The following HS6ST3 variants were observed in gnomAD, a reference collection of about 807,000 sequenced individuals.
HS6ST3 encodes the protein heparan-sulfate 6-O-sulfotransferase 3.
In HS6ST3, 12 loss-of-function variants were observed where a neutral mutation model predicts 36.7. The ratio of observed to expected loss-of-function variants is 0.33; its 90% CI spans 0.21 to 0.53. HS6ST3 has a LOEUF of 0.53. HS6ST3 is among the 20% of genes least tolerant of loss of function. The pLI, the probability that HS6ST3 is intolerant of heterozygous loss-of-function variation, is 0.95. For synonymous variants in HS6ST3, 240 were observed against 257.5 expected, an observed-to-expected ratio of 0.93 and a Z score of 0.65; for missense variants, 584 against 640.9, an observed-to-expected ratio of 0.91 and a Z score of 0.96.
chr13:96,266,711 A>G (rs2054694121), intron 1 of HS6ST3, among the ~76,000 whole-genome samples: 1 of 152,158 alleles, frequency 6.6e-6, no homozygotes, highest in Admixed American at 6.5e-5. Context: ...TTAAAAAAAT[A>G]CACTATAGCT....
intron 1 of HS6ST3, among the ~76,000 whole-genome samples, chr13:96,469,220 G>C (rs1205368110): frequency 6.6e-6 from 1 of 151,912 alleles, no homozygotes; most frequent in Non-Finnish European, 1.5e-5. Flanking sequence ...GGTCTTGCCG[G>C]TGCACCTTAA....
chr13:96,429,081 T>A (rs1177717849), intron 1 of HS6ST3, among the ~76,000 whole-genome samples: 1 of 152,206 alleles, frequency 6.6e-6, no homozygotes, highest in South Asian at 2.1e-4. Flanking sequence ...TGAAAAGGGC[T>A]TATTCAGCCA....
chr13:96,539,012 C>T (rs1032291477), intron 1 of HS6ST3, among the ~76,000 whole-genome samples: 7 of 152,056 alleles, frequency 4.6e-5, no homozygotes, highest in Non-Finnish European at 1.0e-4. Context: ...CCAATATCTG[C>T]TTGGGCTGTG....
At chr13:96,188,867 G>T (rs2139344347) in intron 1 of HS6ST3, among the ~76,000 whole-genome samples, 1 of 152,222 alleles carries the variant, frequency 6.6e-6, no homozygotes, top group South Asian at 2.1e-4. Flanking sequence ...TAGGTTAATT[G>T]TATGCTGGTA....
intron 1 of HS6ST3, among the ~76,000 whole-genome samples, chr13:96,582,492 A>T (rs2056345557): frequency 6.6e-6 from 1 of 152,216 alleles, no homozygotes. Flanking sequence ...TTCCAGGATG[A>T]TGGGGACAGA....
chr13:96,472,926 A>G (rs1442724461), intron 1 of HS6ST3, among the ~76,000 whole-genome samples: 1 of 152,210 alleles, frequency 6.6e-6, no homozygotes, highest in African/African-American at 2.4e-5. Context: ...TCTTATTTCT[A>G]TAGTTATGAG....
chr13:96,188,080 C>G lies in HS6ST3; in HGVS notation c.707+96511C>G, dbSNP rs536074269. Among the ~76,000 whole-genome samples the G allele has an allele frequency of 7.9e-5, 12 of 152,214 alleles. No individual in the cohort carries two copies. In the South Asian group the frequency reaches 2.5e-3, roughly 32 times the overall value. ...TATTTTCTGGTGTGTTCCTCTTCCC[C>G]CTATAGCACCAGGTCATGGGAGTGT... On this transcript the variant is annotated intron_variant, in intron 1 of 1. Coordinates refer to ENST00000376705, the MANE Select transcript of HS6ST3 (RefSeq NM_153456.4).
intron 1 of HS6ST3, among the ~76,000 whole-genome samples, chr13:96,152,442 A>G (rs1313245042): frequency 4.0e-5 from 6 of 149,672 alleles, no homozygotes; most frequent in Non-Finnish European, 8.9e-5. Flanking sequence ...GGTTCTCGCC[A>G]TTCTCCTGCC....
intron 1 of HS6ST3, among the ~76,000 whole-genome samples, chr13:96,488,988 G>T (rs1566375508): frequency 6.6e-6 from 1 of 151,868 alleles, no homozygotes; most frequent in African/African-American, 2.4e-5. Flanking sequence ...GTGATCCTTG[G>T]GGATGTGTAC....
rs551853928 is a variant in HS6ST3, at chr13:96,400,270, TACACAG to T, written c.707+308707_707+308712del. Reference sequence around the variant, plus strand: ...AGATACACACACATACACACAGACATACACAGACACACATATAGACACACACAGACA... The same window carrying T: ...AGATACACACACATACACACAGACATACACACATATAGACACACACAGACA... On this transcript the variant is annotated intron_variant, in intron 1 of 1. Coordinates refer to ENST00000376705, the MANE Select transcript of HS6ST3 (RefSeq NM_153456.4). 3.7e-4 allele frequency among the ~76,000 whole-genome samples: 53 copies of T among 142,686 alleles called. 1 individual carries two copies. Among genetic ancestry groups the T allele is most frequent in the African/African-American group, 1.3e-3 (49 of 38,374 alleles). The allele number at this position is 142,686 out of a possible 152,430, so 93.6% of individuals were successfully genotyped here.
chr13:96,352,318 T>C (rs1314203168), intron 1 of HS6ST3, among the ~76,000 whole-genome samples: 1 of 152,242 alleles, frequency 6.6e-6, no homozygotes. Flanking sequence ...GAGTTTGCAG[T>C]CATGCCTGCT....
intron 1 of HS6ST3, among the ~76,000 whole-genome samples, chr13:96,163,335 T>C (rs1481804470): frequency 6.7e-6 from 1 of 149,508 alleles, no homozygotes; most frequent in Non-Finnish European, 1.5e-5. Flanking sequence ...GTTCACGACA[T>C]TCTCCTGCCT....
At chr13:96,746,836 G>GA (rs1876573726) in intron 1 of HS6ST3, among the ~76,000 whole-genome samples, 2 of 152,148 alleles carry the variant, frequency 1.3e-5, no homozygotes, top group South Asian at 2.1e-4. Context: ...CAATAGCCCT[G>GA]AAAAATCTAA....
intron 1 of HS6ST3, among the ~76,000 whole-genome samples, chr13:96,230,350 C>T (rs1441804973): frequency 6.6e-6 from 1 of 152,114 alleles, no homozygotes; most frequent in Admixed American, 6.6e-5. Context: ...TCTCAGGGTA[C>T]TGGTTTTGAC....
In HS6ST3 at chr13:96,542,485, C is replaced by T. The variant is rs1268187699; in HGVS notation, c.708-290005C>T. On this transcript the variant is annotated intron_variant, in intron 1 of 1. Coordinates refer to ENST00000376705, the MANE Select transcript of HS6ST3 (RefSeq NM_153456.4). The stretch of plus-strand genomic sequence containing the variant: ...TAATCTAATACATAACAGCCTCCCA[C>T]GCTTTCAAGGGTCCACCTTTTCTGG... Among the ~76,000 whole-genome samples the T allele has an allele frequency of 6.6e-5, 10 of 152,148 alleles. No individual in the cohort carries two copies. The South Asian group carries it at 1.0e-3, about 16-fold the overall frequency.
intron 1 of HS6ST3, among the ~76,000 whole-genome samples, chr13:96,154,554 A>G (rs2054101657): frequency 6.6e-6 from 1 of 152,178 alleles, no homozygotes; most frequent in Admixed American, 6.5e-5. Context: ...TCTTACTCTT[A>G]GTATTAAATA....
intron 1 of HS6ST3, among the ~76,000 whole-genome samples, chr13:96,399,679 TG>T (rs1386934078): frequency 4.6e-5 from 7 of 152,244 alleles, no homozygotes; most frequent in Admixed American, 4.6e-4. Flanking sequence ...AGATCTGAGG[TG>T]GGGCTGGAGA....
At chr13:96,488,745 G>A (rs2138903773) in intron 1 of HS6ST3, among the ~76,000 whole-genome samples, 1 of 152,058 alleles carries the variant, frequency 6.6e-6, no homozygotes, top group South Asian at 2.1e-4. Flanking sequence ...TTTTTAAAGT[G>A]GAAGATGCAT....
intron 1 of HS6ST3, among the ~76,000 whole-genome samples, chr13:96,131,207 A>G (rs562990653): frequency 7.9e-5 from 12 of 152,304 alleles, no homozygotes; most frequent in Non-Finnish European, 1.8e-4. Flanking sequence ...AGCTGAACTC[A>G]AAACAAGTCA....
Sources: gnomAD v4.1 joint callset for allele counts (sites outside exome capture counted in the v4.1 genomes callset) on GRCh38, gnomAD v4.1.1 for gene constraint, MANE v1.5 for transcripts, NCBI Gene and HGNC (gene_info 2026-07-23, HGNC 2026-07-21) for gene names.